TMCC2: variants seen among roughly 807,000 people sequenced by gnomAD.
TMCC2 encodes transmembrane and coiled-coil domains protein 2.
In TMCC2, 16 loss-of-function variants were observed where a neutral mutation model predicts 49.4. The observed-to-expected ratio is 0.32, with a 90% CI of 0.22 to 0.49. The LOEUF (loss-of-function observed/expected upper bound fraction) is 0.49, where lower values mean the gene tolerates loss of function less well. Ranked by LOEUF, TMCC2 falls within the 20% of genes least tolerant of loss-of-function variation. The pLI, the probability that TMCC2 is intolerant of heterozygous loss-of-function variation, is 0.99. For synonymous variants in TMCC2, 397 were observed against 434.1 expected, an observed-to-expected ratio of 0.91 and a Z score of 1.06; for missense variants, 762 against 989.8, an observed-to-expected ratio of 0.77 and a Z score of 3.09.
At chr1:205,246,610 G>A (rs951212930) in intron 2 of TMCC2, 3 of 1,550,270 alleles carry the variant, frequency 1.9e-6, no homozygotes, top group Non-Finnish European at 2.6e-6. Context: ...AGCTGGAGGA[G>A]CCCAGCAGAA....
intron 2 of TMCC2, among the ~76,000 whole-genome samples, chr1:205,260,686 C>A (rs1484422266): frequency 1.3e-5 from 2 of 151,538 alleles, no homozygotes; most frequent in African/African-American, 4.9e-5. Context: ...TTCCTTCCCC[C>A]ACCCCCACCC....
intron 1 of TMCC2, chr1:205,236,404 T>C (rs917451273): frequency 3.3e-5 from 5 of 152,254 alleles, no homozygotes; most frequent in African/African-American, 1.2e-4. Flanking sequence ...GTTATGTCTT[T>C]GGAAAAGGTA....
chr1:205,263,895 T>G (rs1435182829), intron 2 of TMCC2, among the ~76,000 whole-genome samples: 1 of 152,038 alleles, frequency 6.6e-6, no homozygotes, highest in Non-Finnish European at 1.5e-5. Context: ...CCCTCCAAGG[T>G]GAGGTTAGGC....
intron 1 of TMCC2, chr1:205,229,788 A>G (rs1659719504): frequency 1.0e-6 from 1 of 985,222 alleles, no homozygotes; most frequent in Admixed American, 6.2e-5. Flanking sequence ...GGAGCTGTTT[A>G]TTTTCCGGCC....
At chr1:205,257,028 TCA>T (rs994710485) in intron 2 of TMCC2, among the ~76,000 whole-genome samples, 4 of 127,936 alleles carry the variant, frequency 3.1e-5, no homozygotes, top group African/African-American at 1.2e-4. Flanking sequence ...TGCACACAAC[TCA>T]CAGTGGAACA....
chr1:205,268,601 G>A (rs753033462), intron 2 of TMCC2, among the ~76,000 whole-genome samples: 6 of 152,146 alleles, frequency 3.9e-5, no homozygotes, highest in Non-Finnish European at 5.9e-5. Context: ...GCAACAGAGC[G>A]AGACTGTGTC....
At chr1:205,256,218 A>G (rs1660865347) in intron 2 of TMCC2, 1 of 1,491,310 alleles carries the variant, frequency 6.7e-7, no homozygotes, top group Non-Finnish European at 8.9e-7. Flanking sequence ...TGCAGAATCC[A>G]TGTCTTTCTG....
chr1:205,267,406 T>C (rs985546121), intron 2 of TMCC2, among the ~76,000 whole-genome samples: 2 of 152,136 alleles, frequency 1.3e-5, no homozygotes, highest in South Asian at 4.1e-4. Context: ...GTTTAACCCC[T>C]TCCCCCACAT....
chr1:205,268,253 A>G (rs114869408), intron 2 of TMCC2, among the ~76,000 whole-genome samples: 1 of 152,246 alleles, frequency 6.6e-6, no homozygotes, highest in Non-Finnish European at 1.5e-5. Flanking sequence ...CTCATTCCTC[A>G]GAAATCCAAC....
At chr1:205,267,799 G>A (rs962648334) in intron 2 of TMCC2, 1 of 871,610 alleles carries the variant, frequency 1.1e-6, no homozygotes, top group African/African-American at 1.8e-5. Flanking sequence ...TGCCCGCCTG[G>A]TGGGGAGTGA....
intron 2 of TMCC2, among the ~76,000 whole-genome samples, chr1:205,251,852 C>T (rs753364992): frequency 6.6e-6 from 1 of 152,198 alleles, no homozygotes; most frequent in Non-Finnish European, 1.5e-5. Flanking sequence ...CGTTTAGTCA[C>T]GTCAGCTCAT....
chr1:205,262,241 GCAGATCC>G (rs1661147166), intron 2 of TMCC2, among the ~76,000 whole-genome samples: 2 of 152,184 alleles, frequency 1.3e-5, no homozygotes, highest in South Asian at 4.1e-4. Flanking sequence ...AGACCCAACA[GCAGATCC>G]CAGGCATTGT....
chr1:205,239,127 G>A (rs952145027), intron 1 of TMCC2, among the ~76,000 whole-genome samples: 1 of 152,160 alleles, frequency 6.6e-6, no homozygotes, highest in South Asian at 2.1e-4. Context: ...TTCTGCCTGA[G>A]TGGATCCTCA....
rs147311191 is a variant in TMCC2, at chr1:205,267,898, C to T, written c.748-1052C>T. On this transcript the variant is annotated intron_variant, in intron 2 of 4. Transcript: ENST00000358024. ...GGCCCCCAAACTGGTCCCTGCTTCC[C>T]TTGGCCTTTGAGTTACTTCTGGGGC... 164 of 985,144 alleles carry T rather than the reference C, an allele frequency of 1.7e-4. 2 individuals are homozygous for T. In the East Asian group the frequency reaches 8.9e-3, roughly 53 times the overall value. 61.0% of individuals were successfully genotyped at this position (985,144 alleles called of 1,614,324 possible).
chr1:205,250,615 G>C (rs1262904564), intron 2 of TMCC2, among the ~76,000 whole-genome samples: 1 of 152,164 alleles, frequency 6.6e-6, no homozygotes, highest in East Asian at 1.9e-4. Flanking sequence ...GAAATCACCA[G>C]GATAGAGGGG....
At chr1:205,246,770 T>G in intron 2 of TMCC2, 1 of 1,440,748 alleles carries the variant, frequency 6.9e-7, no homozygotes, top group Non-Finnish European at 9.4e-7. Context: ...AGCTATTTTA[T>G]GAGGAGGGAA....
intron 2 of TMCC2, among the ~76,000 whole-genome samples, chr1:205,252,182 C>T (rs1416628231): frequency 6.6e-6 from 1 of 152,214 alleles, no homozygotes; most frequent in Admixed American, 6.5e-5. Flanking sequence ...TGCCCAACAT[C>T]TGGGCTCATG....
chr1:205,265,697 A>T (rs1335201509), intron 2 of TMCC2, among the ~76,000 whole-genome samples: 1 of 151,200 alleles, frequency 6.6e-6, no homozygotes, highest in African/African-American at 2.4e-5. Flanking sequence ...AGTAGCTGGG[A>T]TTACAGGCGT....
intron 4 of TMCC2, among the ~76,000 whole-genome samples, chr1:205,271,564 G>C (rs1661594015): frequency 6.6e-6 from 1 of 152,230 alleles, no homozygotes; most frequent in Non-Finnish European, 1.5e-5. Context: ...TGCCTCAAGA[G>C]GGAGCCAGCT....
Sources: allele counts gnomAD v4.1 joint callset (sites outside exome capture counted in the v4.1 genomes callset), GRCh38; gene constraint gnomAD v4.1.1; transcripts MANE v1.5; gene names NCBI Gene and HGNC (gene_info 2026-07-23, HGNC 2026-07-21).